The following PLD5 variants were observed in gnomAD, a reference collection of about 807,000 sequenced individuals.
PLD5 encodes the protein phospholipase D family member 5.
In PLD5, 36 loss-of-function variants were observed where a neutral mutation model predicts 61.1. The ratio of observed to expected loss-of-function variants is 0.59; its 90% CI spans 0.45 to 0.78. The LOEUF (loss-of-function observed/expected upper bound fraction) is 0.78. PLD5 is among the 30% of genes least tolerant of loss of function. PLD5 has a pLI of 0.00. For synonymous variants in PLD5, 243 were observed against 242.8 expected, an observed-to-expected ratio of 1.00 and a Z score of -0.01; for missense variants, 515 against 644.4, an observed-to-expected ratio of 0.80 and a Z score of 2.17.
chr1:242,397,781 CTTCT>C (rs200834570), intron 1 of PLD5, among the ~76,000 whole-genome samples: 160 of 140,690 alleles, frequency 1.1e-3, no homozygotes, highest in African/African-American at 2.1e-3. Context: ...TCTTCTTCTT[CTTCT>C]TTTTTTTTTT....
In PLD5 at chr1:242,113,878, G is replaced by T. The variant is rs1167066551; in HGVS notation, c.1070+12C>A. 3.7e-6 allele frequency: 6 copies of T among 1,611,104 alleles called. No individual in the cohort carries two copies. The highest frequency in any genetic ancestry group is 5.1e-6 in the Non-Finnish European group (6 of 1,178,760). Reference sequence around the variant, plus strand: ...GGACTGGGTTCTAACCAGAGGCTGGGCATTCACTGACCTTTTGGTGCTTGT... The same window carrying T: ...GGACTGGGTTCTAACCAGAGGCTGGTCATTCACTGACCTTTTGGTGCTTGT... On this transcript the variant is annotated intron_variant, in intron 7 of 9. Transcript: ENST00000536534.
At chr1:242,100,859 T>C in intron 8 of PLD5, 77 bp from the exon 9 acceptor site, 1 of 956,826 alleles carries the variant, frequency 1.0e-6, no homozygotes, top group Non-Finnish European at 1.6e-6. Flanking sequence ...AAAGAATGCA[T>C]TATCCAAATG....
At chr1:242,150,027 C>T (rs1664818880) in intron 5 of PLD5, among the ~76,000 whole-genome samples, 1 of 151,686 alleles carries the variant, frequency 6.6e-6, no homozygotes, top group South Asian at 2.1e-4. Flanking sequence ...TTTTGATATG[C>T]TCTATTTTTA....
intron 2 of PLD5, among the ~76,000 whole-genome samples, chr1:242,324,579 C>T (rs1192891666): frequency 6.6e-6 from 1 of 152,090 alleles, no homozygotes; most frequent in Non-Finnish European, 1.5e-5. Flanking sequence ...AATAGCCCCT[C>T]CCTAAAACAA....
chr1:242,181,646 T>C (rs1326074834), intron 5 of PLD5, among the ~76,000 whole-genome samples: 1 of 146,914 alleles, frequency 6.8e-6, no homozygotes, highest in Non-Finnish European at 1.5e-5. Context: ...TGTAAAAATG[T>C]CTCTTCAATG....
At chr1:242,392,511 A>C (rs1311864350) in intron 1 of PLD5, among the ~76,000 whole-genome samples, 2 of 152,208 alleles carry the variant, frequency 1.3e-5, no homozygotes, top group African/African-American at 4.8e-5. Context: ...CCTGGGTTAG[A>C]AGCAGCATTG....
chr1:242,192,472 A>G (rs1405558362), intron 5 of PLD5, among the ~76,000 whole-genome samples: 1 of 152,074 alleles, frequency 6.6e-6, no homozygotes, highest in African/African-American at 2.4e-5. Flanking sequence ...TAAACCCTTC[A>G]TTGCACTTCC....
At chr1:242,371,478 T>C (rs921843076) in intron 1 of PLD5, among the ~76,000 whole-genome samples, 1 of 152,118 alleles carries the variant, frequency 6.6e-6, no homozygotes, top group African/African-American at 2.4e-5. Context: ...TCAAAACACC[T>C]TTCCCTATCA....
At chr1:242,458,312 G>A in intron 1 of PLD5, among the ~76,000 whole-genome samples, 1 of 152,170 alleles carries the variant, frequency 6.6e-6, no homozygotes, top group East Asian at 1.9e-4. Flanking sequence ...TGTTGATTTG[G>A]CTCCCAAAGG....
intron 2 of PLD5, among the ~76,000 whole-genome samples, chr1:242,304,939 A>T (rs1435620557): frequency 3.3e-5 from 5 of 152,150 alleles, no homozygotes; most frequent in Non-Finnish European, 7.3e-5. Flanking sequence ...CCCTGTCTCT[A>T]CAAAAAATAC....
At position 242,090,031 on chromosome 1, in the gene PLD5, G is replaced by A. The variant is rs781426118; in HGVS notation, c.1434C>T (p.Asn478=). The change falls in exon 10 of 10, where the codon AAC becomes AAT. Residue 478 remains asparagine (N), a synonymous_variant. Coordinates refer to ENST00000536534, the MANE Select transcript of PLD5 (RefSeq NM_001372062.1). ...TAAGTTGCTTAATGATGCTTCTGTT[G>A]TTCCTCACATCTGCCTGGTTGATAA... The part of the protein sequence containing the change: ...GLVINQADVR[N]NRSIIKQLKD... The A allele has an allele frequency of 5.0e-6, 8 of 1,614,152 alleles. No homozygotes were observed. Among genetic ancestry groups the A allele is most frequent in the South Asian group, 1.1e-5 (1 of 91,086 alleles).
intron 4 of PLD5, among the ~76,000 whole-genome samples, chr1:242,236,688 CTG>C (rs1671659571): frequency 6.6e-6 from 1 of 152,184 alleles, no homozygotes; most frequent in East Asian, 1.9e-4. Flanking sequence ...TTTTCATAAA[CTG>C]TTTTATCACA....
intron 3 of PLD5, among the ~76,000 whole-genome samples, chr1:242,283,968 G>C (rs1313484990): frequency 6.6e-6 from 1 of 151,764 alleles, no homozygotes; most frequent in East Asian, 1.9e-4. Context: ...CAGGATATAG[G>C]GGTCCTTGAA....
intron 5 of PLD5, among the ~76,000 whole-genome samples, chr1:242,175,798 A>G (rs1667099817): frequency 6.6e-6 from 1 of 152,218 alleles, no homozygotes; most frequent in Non-Finnish European, 1.5e-5. Flanking sequence ...ATTCCTATAC[A>G]CCAATAATAG....
At chr1:242,157,044 G>A (rs1437963227) in intron 5 of PLD5, among the ~76,000 whole-genome samples, 2 of 152,062 alleles carry the variant, frequency 1.3e-5, no homozygotes, top group Admixed American at 1.3e-4. Flanking sequence ...TGGAGGCTTT[G>A]TTCATTCCCT....
At chr1:242,184,426 C>G (rs1423954045) in intron 5 of PLD5, among the ~76,000 whole-genome samples, 3 of 152,016 alleles carry the variant, frequency 2.0e-5, no homozygotes, top group Admixed American at 6.6e-5. Flanking sequence ...GCTCTGTCAA[C>G]CAGGCTGGAG....
At chr1:242,268,256 G>T (rs531644971) in intron 3 of PLD5, among the ~76,000 whole-genome samples, 1 of 152,074 alleles carries the variant, frequency 6.6e-6, no homozygotes, top group East Asian at 2.0e-4. Flanking sequence ...GTCATCTCAC[G>T]TTCACGTAAG....
chr1:242,314,923 G>A (rs7554502), intron 2 of PLD5, among the ~76,000 whole-genome samples: 147,588 of 152,144 alleles, frequency 0.97, 71,679 homozygotes, highest in Non-Finnish European at 1. Context: ...AAATCTAACA[G>A]TGAATTGTCA....
chr1:242,255,704 C>A (rs2149089162), intron 4 of PLD5, among the ~76,000 whole-genome samples: 1 of 152,172 alleles, frequency 6.6e-6, no homozygotes, highest in East Asian at 1.9e-4. Flanking sequence ...TATGGATTAT[C>A]AATGATGAAT....
Sources: allele counts gnomAD v4.1 joint callset (sites outside exome capture counted in the v4.1 genomes callset), GRCh38; gene constraint gnomAD v4.1.1; transcripts MANE v1.5; gene names NCBI Gene and HGNC (gene_info 2026-07-23, HGNC 2026-07-21).